PLXDC2: variants seen among roughly 807,000 people sequenced by gnomAD.
The protein encoded by PLXDC2 is plexin domain-containing protein 2.
PLXDC2 carries 40 observed loss-of-function variants against 68.9 expected under a neutral mutation model. That is an observed-to-expected ratio of 0.58 (90% CI 0.45 to 0.76). The LOEUF is 0.76. Among genes scored for constraint, PLXDC2 ranks in the 30% least tolerant of loss-of-function variants. The pLI is 0.00. For missense variants in PLXDC2, 644 were observed against 661.9 expected (o/e 0.97, Z 0.30); for synonymous variants, 243 against 234.2 (o/e 1.04, Z -0.34).
intron 1 of PLXDC2, among the ~76,000 whole-genome samples, chr10:19,949,918 A>G (rs1833965754): frequency 6.6e-6 from 1 of 152,232 alleles, no homozygotes; most frequent in South Asian, 2.1e-4. Context: ...ACATTATTAT[A>G]GCCCAACTTT....
At chr10:20,020,284 C>T (rs1030817011) in intron 2 of PLXDC2, among the ~76,000 whole-genome samples, 6 of 150,782 alleles carry the variant, frequency 4.0e-5, no homozygotes, top group African/African-American at 1.5e-4. Flanking sequence ...CCACCCAAAG[C>T]ACCTTTTTAT....
intron 10 of PLXDC2, among the ~76,000 whole-genome samples, chr10:20,211,971 G>A (rs1835075748): frequency 6.6e-6 from 1 of 151,966 alleles, no homozygotes; most frequent in Non-Finnish European, 1.5e-5. Flanking sequence ...ATGCAGACAT[G>A]GGGCTTAACT....
rs143979030 is a variant in PLXDC2, at chr10:20,237,502, G to A, written c.1313-7843G>A. 1.1e-3 allele frequency among the ~76,000 whole-genome samples: 171 copies of A among 152,274 alleles called. 1 individual carries two copies. Among genetic ancestry groups the A allele is most frequent in the East Asian group, 9.3e-3 (48 of 5,188 alleles). On this transcript the variant is annotated intron_variant, in intron 12 of 13. Transcript: ENST00000377252. ...AAGAGGTAAGAGAGAAAATAAATGA[G>A]CTACAAAATGAGACTGATCAGTTGC...
At chr10:19,838,962 G>A (rs1589493920) in intron 1 of PLXDC2, among the ~76,000 whole-genome samples, 2 of 152,044 alleles carry the variant, frequency 1.3e-5, no homozygotes, top group African/African-American at 4.8e-5. Context: ...GAGGCCAGTG[G>A]ATCACCTAAG....
intron 1 of PLXDC2, among the ~76,000 whole-genome samples, chr10:19,897,601 T>TA (rs1341333708): frequency 3.3e-5 from 5 of 152,180 alleles, no homozygotes; most frequent in African/African-American, 9.7e-5. Flanking sequence ...ACAGAAAACA[T>TA]AAGTACATGC....
intron 1 of PLXDC2, among the ~76,000 whole-genome samples, chr10:19,964,531 G>A (rs1834215716): frequency 6.6e-6 from 1 of 152,100 alleles, no homozygotes; most frequent in African/African-American, 2.4e-5. Context: ...ATCCCTATAG[G>A]AAATATAATA....
At position 20,286,542 on chromosome 10, in the gene PLXDC2, C is replaced by T. The variant is rs1340914273; in HGVS notation, c.*6723C>T. The T allele has an allele frequency of 6.6e-6, 1 of 152,062 alleles. No homozygotes were observed. Among genetic ancestry groups the T allele is most frequent in the Non-Finnish European group, 1.5e-5 (1 of 68,018 alleles). The allele number at this position is 152,062 out of a possible 1,614,324, so 9.4% of individuals were successfully genotyped here. ...ATATACATTCATGACCAAAGTATCGCTTACTGACCATGCAGCTGTAAACCT... is the reference window on the plus strand; with the variant it reads ...ATATACATTCATGACCAAAGTATCGTTTACTGACCATGCAGCTGTAAACCT... On this transcript the variant is annotated 3_prime_UTR_variant, in exon 14 of 14. Transcript: ENST00000377252.
intron 4 of PLXDC2, among the ~76,000 whole-genome samples, chr10:20,080,357 A>G (rs1357217769): frequency 8.2e-6 from 1 of 121,522 alleles, no homozygotes; most frequent in Non-Finnish European, 1.6e-5. Context: ...AAGTCCCCCA[A>G]CAAGCCATCA....
At chr10:19,891,996 C>G (rs1310068994) in intron 1 of PLXDC2, among the ~76,000 whole-genome samples, 1 of 151,996 alleles carries the variant, frequency 6.6e-6, no homozygotes, top group Non-Finnish European at 1.5e-5. Flanking sequence ...AGAACTTATG[C>G]AAAGAGACAC....
At chr10:20,094,635 C>T (rs1048317072) in intron 4 of PLXDC2, among the ~76,000 whole-genome samples, 1 of 152,056 alleles carries the variant, frequency 6.6e-6, no homozygotes, top group Non-Finnish European at 1.5e-5. Context: ...ATTTTATGTG[C>T]ATCCTAACCT....
At chr10:20,211,029 A>G (rs891030220) in intron 9 of PLXDC2, among the ~76,000 whole-genome samples, 1 of 152,086 alleles carries the variant, frequency 6.6e-6, no homozygotes, top group East Asian at 1.9e-4. Context: ...AATAAATCAA[A>G]TTGTCAGCAT....
At chr10:20,223,356 C>T (rs1255006241) in intron 12 of PLXDC2, among the ~76,000 whole-genome samples, 7 of 150,698 alleles carry the variant, frequency 4.6e-5, no homozygotes, top group African/African-American at 9.8e-5. Context: ...ACTGTCCCCC[C>T]GGCTGGAGTG....
At chr10:20,112,676 T>A (rs1323394415) in intron 4 of PLXDC2, among the ~76,000 whole-genome samples, 3 of 152,238 alleles carry the variant, frequency 2.0e-5, no homozygotes, top group Admixed American at 2.0e-4. Context: ...AGTATAGAAA[T>A]TTTCTCACTT....
chr10:20,220,985 G>A (rs1835203748), intron 12 of PLXDC2, among the ~76,000 whole-genome samples: 1 of 151,696 alleles, frequency 6.6e-6, no homozygotes, highest in Non-Finnish European at 1.5e-5. Flanking sequence ...TGGGATTACA[G>A]GCACCCACCA....
chr10:19,925,154 G>A (rs1833519714), intron 1 of PLXDC2, among the ~76,000 whole-genome samples: 1 of 152,200 alleles, frequency 6.6e-6, no homozygotes. Flanking sequence ...CAAAGTGCCG[G>A]AGAAGGTCAC....
At position 20,164,482 on chromosome 10, in the gene PLXDC2, C is replaced by G; in HGVS notation, c.798C>G (p.Val266=). The change falls in exon 7 of 14, where the codon GTC becomes GTG. Residue 266 remains valine, a synonymous_variant. Transcript: ENST00000377252. ...IFGYKEIPVL[V]TQISSTNHPV... is the part of the protein sequence containing the mutation. The stretch of plus-strand genomic sequence containing the variant: ...TTTTTTTCCAGATTCCTGTCTTGGT[C>G]ACACAGATAAGTTCAACCAATCATC... The G allele has an allele frequency of 6.2e-7, 1 of 1,612,794 alleles. No individual in the cohort carries two copies. Among genetic ancestry groups the G allele is most frequent in the South Asian group, 1.1e-5 (1 of 91,056 alleles).
At chr10:19,874,938 A>T (rs1222454785) in intron 1 of PLXDC2, among the ~76,000 whole-genome samples, 1 of 152,146 alleles carries the variant, frequency 6.6e-6, no homozygotes, top group Non-Finnish European at 1.5e-5. Context: ...TAAGGAATGT[A>T]ACCTACTTAT....
rs903086219 is a variant in PLXDC2 at position 20,283,196 on chromosome 10, A to G, written c.*3377A>G. ...GCATTTTTGATTTTAGAGAGGCCCT[A>G]TGGAGTAATGAAAAAAATACAAGCT... On this transcript the variant is annotated 3_prime_UTR_variant, in exon 14 of 14. Transcript: ENST00000377252. 5 of 152,224 alleles carry G rather than the reference A, an allele frequency of 3.3e-5. No homozygotes were observed. Among genetic ancestry groups the G allele is most frequent in the South Asian group, 2.1e-4 (1 of 4,836 alleles). The allele number at this position is 152,224 out of a possible 1,614,324, so 9.4% of individuals were successfully genotyped here.
chr10:20,184,342 A>G (rs1834650096), intron 9 of PLXDC2, among the ~76,000 whole-genome samples: 1 of 148,494 alleles, frequency 6.7e-6, no homozygotes, highest in Non-Finnish European at 1.5e-5. Flanking sequence ...TGTATATAAA[A>G]CATAATATAT....
Sources: gnomAD v4.1 joint callset for allele counts (sites outside exome capture counted in the v4.1 genomes callset) on GRCh38, gnomAD v4.1.1 for gene constraint, MANE v1.5 for transcripts, NCBI Gene and HGNC (gene_info 2026-07-23, HGNC 2026-07-21) for gene names.